Variants in AGMO observed in about 807,000 individuals in gnomAD.
AGMO encodes the protein glyceryl-ether monooxygenase.
Under a neutral mutation model 60.2 loss-of-function variants are expected in AGMO, and 75 were observed. The observed-to-expected ratio is 1.25, with a 90% CI of 1.03 to 1.51. AGMO has a LOEUF of 1.51. Ranked by LOEUF, AGMO falls within the 40% of genes most tolerant of loss-of-function variation. The pLI is 0.00. For synonymous variants in AGMO, 261 were observed against 177.1 expected (o/e 1.47, Z -3.76); for missense variants, 763 against 525.5 (o/e 1.45, Z -4.42).
chr7:15,191,193 T>C, the AGMO span, among the ~76,000 whole-genome samples: 2 of 152,162 alleles, frequency 1.3e-5, no homozygotes, highest in African/African-American at 2.4e-5. Flanking sequence ...AGTTTCTTTA[T>C]AGAGTGGGAA....
chr7:15,548,510 G>C (rs1000368480), intron 2 of AGMO, among the ~76,000 whole-genome samples: 1 of 152,026 alleles, frequency 6.6e-6, no homozygotes, highest in African/African-American at 2.4e-5. Context: ...CGAGAACTAC[G>C]TGAAGAATGC....
the AGMO span, among the ~76,000 whole-genome samples, chr7:15,150,400 T>A: frequency 5.2e-4 from 79 of 152,278 alleles, 1 homozygote; most frequent in African/African-American, 1.8e-3. Context: ...GGGGGAATGC[T>A]TCCAGCTTTT....
At chr7:15,297,563 G>T (rs1288156800) in intron 12 of AGMO, among the ~76,000 whole-genome samples, 1 of 152,110 alleles carries the variant, frequency 6.6e-6, no homozygotes, top group Non-Finnish European at 1.5e-5. Flanking sequence ...AGTTAGTGTT[G>T]CATTTGGCCA....
chr7:15,203,242 A>T (rs1781351800), intron 12 of AGMO, among the ~76,000 whole-genome samples: 1 of 152,070 alleles, frequency 6.6e-6, no homozygotes, highest in Non-Finnish European at 1.5e-5. Context: ...TTTCATCTCG[A>T]CTTCCAGTAC....
chr7:15,362,629 C>A (rs548449686), intron 12 of AGMO, among the ~76,000 whole-genome samples: 1 of 152,208 alleles, frequency 6.6e-6, no homozygotes, highest in Admixed American at 6.5e-5. Flanking sequence ...AAGAACTGGC[C>A]GTGCATGTGC....
chr7:15,430,611 A>AC, intron 4 of AGMO, among the ~76,000 whole-genome samples: 1 of 137,438 alleles, frequency 7.3e-6, no homozygotes, highest in African/African-American at 2.7e-5. Flanking sequence ...TTTAAAAAAA[A>AC]AAAACAACTG....
intron 12 of AGMO, among the ~76,000 whole-genome samples, chr7:15,238,669 A>T (rs1295360220): frequency 6.6e-6 from 1 of 151,874 alleles, no homozygotes; most frequent in Non-Finnish European, 1.5e-5. Context: ...TAAAATTATT[A>T]TATGTGGAAA....
intron 12 of AGMO, among the ~76,000 whole-genome samples, chr7:15,337,506 G>C (rs1361252006): frequency 6.6e-6 from 1 of 152,074 alleles, no homozygotes; most frequent in Admixed American, 6.6e-5. Flanking sequence ...CCTTGCCAGT[G>C]ATCTTCCCAG....
chr7:15,527,005 TC>T (rs1784145586), intron 3 of AGMO, among the ~76,000 whole-genome samples: 1 of 152,106 alleles, frequency 6.6e-6, no homozygotes, highest in African/African-American at 2.4e-5. Context: ...TACCTGCAGT[TC>T]CCCTGTCTTT....
chr7:15,413,293 C>T (rs752662705), intron 5 of AGMO, among the ~76,000 whole-genome samples: 4 of 152,128 alleles, frequency 2.6e-5, no homozygotes, highest in Non-Finnish European at 4.4e-5. Context: ...AATCTGGATA[C>T]AAGAGAAAGT....
chr7:15,377,131 A>G (rs963051261), intron 10 of AGMO, among the ~76,000 whole-genome samples: 1 of 152,076 alleles, frequency 6.6e-6, no homozygotes, highest in African/African-American at 2.4e-5. Flanking sequence ...GTTGGATTTT[A>G]ATGTCTTTGT....
At chr7:15,230,770 T>C (rs1782236361) in intron 12 of AGMO, among the ~76,000 whole-genome samples, 1 of 152,034 alleles carries the variant, frequency 6.6e-6, no homozygotes, top group African/African-American at 2.4e-5. Flanking sequence ...GCTCTTCCCC[T>C]TTGCTCTCTC....
At chr7:15,349,018 A>T (rs531937220) in intron 12 of AGMO, among the ~76,000 whole-genome samples, 30 of 151,922 alleles carry the variant, frequency 2.0e-4, no homozygotes, top group Non-Finnish European at 3.2e-4. Flanking sequence ...TCACATTGTG[A>T]CTTATTTCTA....
intron 12 of AGMO, among the ~76,000 whole-genome samples, chr7:15,231,099 G>C (rs1007779831): frequency 6.6e-6 from 1 of 152,114 alleles, no homozygotes; most frequent in African/African-American, 2.4e-5. Flanking sequence ...TTTCAATTTA[G>C]AGCTTCATCA....
At chr7:15,226,490 G>A (rs1782085588) in intron 12 of AGMO, among the ~76,000 whole-genome samples, 1 of 151,972 alleles carries the variant, frequency 6.6e-6, no homozygotes, top group Non-Finnish European at 1.5e-5. Context: ...ATTTTCTATG[G>A]ACCCCACATT....
At chr7:15,551,624 C>A (rs1179805324) in intron 2 of AGMO, among the ~76,000 whole-genome samples, 6 of 150,884 alleles carry the variant, frequency 4.0e-5, no homozygotes, top group African/African-American at 1.5e-4. Context: ...ATGTGAAGGA[C>A]CTCTTCAAGG....
chr7:15,490,298 T>C (rs1005578840), intron 3 of AGMO, among the ~76,000 whole-genome samples: 6 of 152,214 alleles, frequency 3.9e-5, no homozygotes, highest in African/African-American at 1.4e-4. Flanking sequence ...GTGGTATAAA[T>C]GTGTGAGGTT....
chr7:15,180,650 C>A, the AGMO span, among the ~76,000 whole-genome samples: 9 of 152,166 alleles, frequency 5.9e-5, no homozygotes, highest in African/African-American at 2.2e-4. Context: ...GCAATCTAGG[C>A]CTTGTCTAGT....
chr7:15,330,174 G>A (rs1781458674), intron 12 of AGMO, among the ~76,000 whole-genome samples: 1 of 152,046 alleles, frequency 6.6e-6, no homozygotes, highest in African/African-American at 2.4e-5. Flanking sequence ...AGGATAAGCT[G>A]AATAATTTCA....
Sources: gnomAD v4.1 joint callset for allele counts (sites outside exome capture counted in the v4.1 genomes callset) on GRCh38, gnomAD v4.1.1 for gene constraint, MANE v1.5 for transcripts, NCBI Gene and HGNC (gene_info 2026-07-23, HGNC 2026-07-21) for gene names.